The following CTNNA3 variants were observed in gnomAD, a reference collection of about 807,000 sequenced individuals.
CTNNA3 encodes catenin alpha-3.
In CTNNA3, 76 loss-of-function variants were observed where a neutral mutation model predicts 95.7. The observed-to-expected ratio is 0.79, with a 90% confidence interval of 0.66 to 0.96. CTNNA3 has a LOEUF of 0.96. Among genes scored for constraint, CTNNA3 ranks in the 40% least tolerant of loss-of-function variants. The pLI is 0.00. For missense variants in CTNNA3, 1,191 were observed against 1,089.8 expected (o/e 1.09, Z -1.31); for synonymous variants, 431 against 374.4 (o/e 1.15, Z -1.74).
intron 7 of CTNNA3, among the ~76,000 whole-genome samples, chr10:66,845,039 A>G (rs1843196824): frequency 6.6e-6 from 1 of 152,238 alleles, no homozygotes; most frequent in South Asian, 2.1e-4. Flanking sequence ...AAAGATCACA[A>G]ACAATTTGTA....
intron 7 of CTNNA3, among the ~76,000 whole-genome samples, chr10:67,140,508 T>G (rs2132039672): frequency 6.6e-6 from 1 of 152,290 alleles, no homozygotes; most frequent in East Asian, 1.9e-4. Flanking sequence ...TTAAAATAAT[T>G]TTTTTAAAAA....
At chr10:67,461,437 G>C (rs1847373684) in intron 5 of CTNNA3, among the ~76,000 whole-genome samples, 1 of 151,962 alleles carries the variant, frequency 6.6e-6, no homozygotes, top group Non-Finnish European at 1.5e-5. Context: ...CTATGAAAAG[G>C]AACCACAGTA....
At chr10:66,202,390 T>C (rs1244681773) in intron 13 of CTNNA3, among the ~76,000 whole-genome samples, 1 of 152,194 alleles carries the variant, frequency 6.6e-6, no homozygotes, top group African/African-American at 2.4e-5. Flanking sequence ...ATAAGGCAAA[T>C]GCCAAGGTAC....
At chr10:66,090,705 G>C (rs1027083898) in intron 14 of CTNNA3, among the ~76,000 whole-genome samples, 2 of 151,942 alleles carry the variant, frequency 1.3e-5, no homozygotes, top group Non-Finnish European at 2.9e-5. Context: ...TTTCTTACAA[G>C]TACATGACTA....
intron 10 of CTNNA3, among the ~76,000 whole-genome samples, chr10:66,602,010 C>T (rs1025493098): frequency 6.6e-6 from 1 of 151,944 alleles, no homozygotes; most frequent in Non-Finnish European, 1.5e-5. Context: ...AGTTATGACA[C>T]ATAAAATGAG....
At chr10:66,055,301 C>A (rs576800592) in intron 15 of CTNNA3, among the ~76,000 whole-genome samples, 159 of 152,220 alleles carry the variant, frequency 1.0e-3, no homozygotes, top group African/African-American at 3.3e-3. Flanking sequence ...AATTTGTAGA[C>A]TGCTTTGGGT....
At chr10:66,091,189 C>T (rs888528678) in intron 14 of CTNNA3, among the ~76,000 whole-genome samples, 2 of 151,850 alleles carry the variant, frequency 1.3e-5, no homozygotes, top group African/African-American at 4.8e-5. Context: ...GACATACTTG[C>T]TAGCCAGATG....
In CTNNA3 at chr10:67,053,267, C is replaced by T. The variant is rs117585138; in HGVS notation, c.1047+127050G>A. Among the ~76,000 whole-genome samples, 408 of 152,206 alleles carry T rather than the reference C, an allele frequency of 2.7e-3. 15 individuals are homozygous for T. The East Asian group carries it at 0.062, about 23-fold the overall frequency. The stretch of plus-strand genomic sequence containing the variant: ...ACTAGGATGCAGTGTTTTCCAAATA[C>T]GCTAATCTTAGAACACTATACAAAT... On this transcript the variant is annotated intron_variant, in intron 7 of 17. Coordinates refer to ENST00000433211, the MANE Select transcript of CTNNA3 (RefSeq NM_013266.4).
chr10:66,327,438 A>G (rs913588730), intron 12 of CTNNA3, among the ~76,000 whole-genome samples: 6 of 152,016 alleles, frequency 3.9e-5, no homozygotes, highest in African/African-American at 1.4e-4. Flanking sequence ...CTGAGATTGC[A>G]ATTGTTTATC....
intron 7 of CTNNA3, among the ~76,000 whole-genome samples, chr10:66,969,045 A>G (rs1001703264): frequency 6.6e-6 from 1 of 151,926 alleles, no homozygotes; most frequent in Non-Finnish European, 1.5e-5. Flanking sequence ...AACAAATATT[A>G]TATGTAAATA....
intron 6 of CTNNA3, among the ~76,000 whole-genome samples, chr10:67,205,801 G>C (rs1863870064): frequency 6.6e-6 from 1 of 152,060 alleles, no homozygotes; most frequent in Non-Finnish European, 1.5e-5. Context: ...ATTTTCCTAG[G>C]GAAAAAAGGG....
intron 11 of CTNNA3, among the ~76,000 whole-genome samples, chr10:66,466,059 G>C (rs1296887108): frequency 6.6e-6 from 1 of 151,924 alleles, no homozygotes; most frequent in Admixed American, 6.6e-5. Context: ...CAGTACACTT[G>C]AGTAAAACAG....
intron 5 of CTNNA3, among the ~76,000 whole-genome samples, chr10:67,352,847 T>C (rs1842683059): frequency 6.6e-6 from 1 of 152,024 alleles, no homozygotes; most frequent in South Asian, 2.1e-4. Context: ...TTTCTATCCT[T>C]TCCATTCTAT....
At chr10:66,491,512 A>T (rs1039913665) in intron 11 of CTNNA3, among the ~76,000 whole-genome samples, 1 of 152,160 alleles carries the variant, frequency 6.6e-6, no homozygotes. Flanking sequence ...TTTTATTTTT[A>T]AAATTAATAT....
intron 14 of CTNNA3, among the ~76,000 whole-genome samples, chr10:66,087,728 C>G (rs10822710): frequency 0.17 from 26,595 of 152,064 alleles, 2,633 homozygotes; most frequent in South Asian, 0.36. Flanking sequence ...TCAATTAGAA[C>G]TAGCCTGAAA....
At position 66,642,283 on chromosome 10, in the gene CTNNA3, C is replaced by A. The variant is rs941705195; in HGVS notation, c.1282-20499G>T. Among the ~76,000 whole-genome samples, 587 of 117,004 alleles carry A rather than the reference C, an allele frequency of 5.0e-3. 5 individuals carry two copies. The highest frequency in any genetic ancestry group is 0.014 in the African/African-American group (538 of 38,528). 76.8% of individuals were successfully genotyped at this position (117,004 alleles called of 152,430 possible). On this transcript the variant is annotated intron_variant, in intron 9 of 17. Transcript: ENST00000433211. ...ACACACACACACACACACACAAACA[C>A]ACACACACACACACACACACACAAA...
At chr10:67,671,389 A>G (rs866720392) in intron 1 of CTNNA3, among the ~76,000 whole-genome samples, 5 of 152,016 alleles carry the variant, frequency 3.3e-5, no homozygotes, top group Non-Finnish European at 5.9e-5. Context: ...TTTAAGTTTT[A>G]GGGTACATGT....
chr10:66,441,019 G>A (rs1252649621), intron 11 of CTNNA3, among the ~76,000 whole-genome samples: 1 of 151,986 alleles, frequency 6.6e-6, no homozygotes, highest in Non-Finnish European at 1.5e-5. Context: ...CACCAAGCCA[G>A]GCACAAAAAA....
intron 12 of CTNNA3, among the ~76,000 whole-genome samples, chr10:66,283,913 C>G (rs116067095): frequency 6.6e-6 from 1 of 151,650 alleles, no homozygotes; most frequent in Non-Finnish European, 1.5e-5. Context: ...AATTGACAAG[C>G]CTGTCTTTAC....
Sources: gnomAD v4.1 joint callset for allele counts (sites outside exome capture counted in the v4.1 genomes callset) on GRCh38, gnomAD v4.1.1 for gene constraint, MANE v1.5 for transcripts, NCBI Gene and HGNC (gene_info 2026-07-23, HGNC 2026-07-21) for gene names.